Variants in AGAP3 observed in about 807,000 individuals in gnomAD.
AGAP3 encodes ArfGAP with GTPase domain, ankyrin repeat and PH domain 3.
Under a neutral mutation model 96.9 loss-of-function variants are expected in AGAP3, and 24 were observed. That is an observed-to-expected ratio of 0.25 (90% confidence interval 0.18 to 0.35). AGAP3 has a LOEUF of 0.35. Among genes scored for constraint, AGAP3 ranks in the 10% least tolerant of loss-of-function variants. The probability of loss-of-function intolerance (pLI) is 1.00; values close to 1 mark genes in which losing one functional copy is unlikely to be tolerated. For missense variants in AGAP3, 876 were observed against 1,254.2 expected (o/e 0.70, Z 4.55); for synonymous variants, 563 against 536.1 (o/e 1.05, Z -0.69).
chr7:151,116,728 C>A, intron 1 of AGAP3, 65 bp from the exon 2 acceptor site: 1 of 1,581,828 alleles, frequency 6.3e-7, no homozygotes, highest in South Asian at 1.1e-5. Flanking sequence ...GTGACACAGG[C>A]AGCAGTGGTT....
intron 1 of AGAP3, among the ~76,000 whole-genome samples, chr7:151,097,187 A>G (rs979990522): frequency 6.6e-6 from 1 of 152,170 alleles, no homozygotes; most frequent in Non-Finnish European, 1.5e-5. Flanking sequence ...AAATTGTATA[A>G]GTTCTTATGT....
chr7:151,139,221 A>G lies in AGAP3; in HGVS notation c.1667-758A>G, dbSNP rs1331932708. 6.6e-6 allele frequency among the ~76,000 whole-genome samples: 1 copy of G among 152,174 alleles called. No individual in the cohort carries two copies. Among genetic ancestry groups the G allele is most frequent in the African/African-American group, 2.4e-5 (1 of 41,438 alleles). ...CCAAAGGCCTTCCCTGAGCCCTCCC[A>G]GTAGGAGCCCTGAGGCCCAGCCTCT... On this transcript the variant is annotated intron_variant, in intron 12 of 17. Coordinates refer to ENST00000397238, the MANE Select transcript of AGAP3 (RefSeq NM_031946.7). The surrounding 1 kb of genome is among the most constrained non-coding windows in gnomAD (Gnocchi z 4.9).
At chr7:151,111,996 A>G (rs1250826043) in intron 1 of AGAP3, among the ~76,000 whole-genome samples, 1 of 152,172 alleles carries the variant, frequency 6.6e-6, no homozygotes, top group Non-Finnish European at 1.5e-5. Flanking sequence ...GTCTGTGTCG[A>G]GCACAGCTGT....
Position 151,141,507 on chromosome 7 carries a change from G to A in AGAP3, c.1805-391G>A, listed in dbSNP as rs1800811294. The A allele has an allele frequency of 4.3e-6, 1 of 230,420 alleles. No homozygotes were observed. Among genetic ancestry groups the A allele is most frequent in the Admixed American group, 5.2e-5 (1 of 19,378 alleles). The allele number at this position is 230,420 out of a possible 1,614,324, so 14.3% of individuals were successfully genotyped here. ...ACATGTACGGATGGTGCCCACACCC[G>A]CCTTCCCCCACCCTCTCCCAGTGTT... On this transcript the variant is annotated intron_variant, in intron 13 of 17. Coordinates refer to ENST00000397238, the MANE Select transcript of AGAP3 (RefSeq NM_031946.7). The surrounding 1 kb of genome is among the most constrained non-coding windows in gnomAD (Gnocchi z 4.2).
In AGAP3 at chr7:151,133,537, C is replaced by T. The variant is rs548496234; in HGVS notation, c.1327-863C>T. Among the ~76,000 whole-genome samples, 7 of 152,198 alleles carry T rather than the reference C, an allele frequency of 4.6e-5. No individual in the cohort carries two copies. The highest frequency in any genetic ancestry group is 2.1e-4 in the South Asian group (1 of 4,810). ...CCTGACTTGAAAGCAGGGTGAGTCCCGGGCCCAGGACAGGCTGGAGGAAGC... is the reference window on the plus strand; with the variant it reads ...CCTGACTTGAAAGCAGGGTGAGTCCTGGGCCCAGGACAGGCTGGAGGAAGC... On this transcript the variant is annotated intron_variant, in intron 10 of 17. Coordinates refer to ENST00000397238, the MANE Select transcript of AGAP3 (RefSeq NM_031946.7). The surrounding 1 kb of genome is among the most constrained non-coding windows in gnomAD (Gnocchi z 5.4).
chr7:151,115,445 A>G (rs1410478213), intron 1 of AGAP3: 10 of 1,015,456 alleles, frequency 9.8e-6, no homozygotes, highest in African/African-American at 1.8e-5. Flanking sequence ...CCGGCTCCCT[A>G]GGCGCCTTCC....
chr7:151,112,967 CAG>C (rs1799360264), intron 1 of AGAP3, among the ~76,000 whole-genome samples: 1 of 152,120 alleles, frequency 6.6e-6, no homozygotes. Context: ...CTCCTGACCT[CAG>C]GTGATCCGCC....
At chr7:151,125,676 C>A (rs996347405) in intron 9 of AGAP3, among the ~76,000 whole-genome samples, 4 of 152,206 alleles carry the variant, frequency 2.6e-5, no homozygotes, top group African/African-American at 7.2e-5. Flanking sequence ...CCGGTCCAGC[C>A]CCGCCAGATC....
At chr7:151,138,705 C>T (rs1029827566) in intron 12 of AGAP3, among the ~76,000 whole-genome samples, 1 of 152,194 alleles carries the variant, frequency 6.6e-6, no homozygotes, top group Non-Finnish European at 1.5e-5. Context: ...ATCAGCCTCT[C>T]GGCAGGGGGA....
intron 11 of AGAP3, chr7:151,136,512 T>G (rs549678848): frequency 6.6e-6 from 1 of 152,396 alleles, no homozygotes; most frequent in South Asian, 2.1e-4. Flanking sequence ...TCATTATCTT[T>G]GTTACTGTAA....
intron 1 of AGAP3, among the ~76,000 whole-genome samples, chr7:151,116,081 C>G (rs989109823): frequency 1.3e-5 from 2 of 152,186 alleles, no homozygotes; most frequent in African/African-American, 4.8e-5. Flanking sequence ...AGAGCTAGCC[C>G]GAGCACCCAT....
At chr7:151,130,906 C>G (rs1272303334) in intron 10 of AGAP3, among the ~76,000 whole-genome samples, 1 of 152,220 alleles carries the variant, frequency 6.6e-6, no homozygotes, top group Admixed American at 6.5e-5. Context: ...TGAGCATGCT[C>G]TTCAGTTGCC....
At chr7:151,123,012 C>G in intron 8 of AGAP3, 1 of 1,393,162 alleles carries the variant, frequency 7.2e-7, no homozygotes, top group East Asian at 2.8e-5. Context: ...GCTGCAGGCT[C>G]GCTGCATGGA....
At chr7:151,116,609 C>A in intron 1 of AGAP3, 184 bp from the exon 2 acceptor site, 1 of 653,024 alleles carries the variant, frequency 1.5e-6, no homozygotes, top group Non-Finnish European at 2.7e-6. Context: ...TACTCTGCTT[C>A]ACTCAAGAAG....
Position 151,123,700 on chromosome 7 carries a change from G to GAGGAGGGAGGC in AGAP3, c.1129-82_1129-72dup. On this transcript the variant is annotated intron_variant, in intron 8 of 17. Coordinates refer to ENST00000397238, the MANE Select transcript of AGAP3 (RefSeq NM_031946.7). ...CCGACCCACTGCTAGGGCTGCCCAGGAGGAGGGAGGCAGGAGGGAGGCCGG... is the reference window on the plus strand; with the variant it reads ...CCGACCCACTGCTAGGGCTGCCCAGGAGGAGGGAGGCAGGAGGGAGGCAGGAGGGAGGCCGG... The GAGGAGGGAGGC allele has an allele frequency of 6.3e-6, 10 of 1,586,126 alleles. No homozygotes were observed. The South Asian group carries it at 7.8e-5, about 12-fold the overall frequency.
chr7:151,114,959 C>G lies in AGAP3; in HGVS notation c.332-1834C>G, dbSNP rs1045985855. On this transcript the variant is annotated intron_variant, in intron 1 of 17. Transcript: ENST00000397238. This position sits in a 1 kb window ranked among gnomAD's most constrained non-coding sequence, Gnocchi z 4.4. ...CGCGGCCGCGGAGCGTGTGCTCGGG[C>G]GGCCCGGAGCCGCCGCCCACCGGCG... The G allele has an allele frequency of 9.2e-5, 90 of 982,490 alleles. No individual in the cohort carries two copies. The highest frequency in any genetic ancestry group is 1.0e-4 in the Non-Finnish European group (84 of 829,934). 60.9% of individuals were successfully genotyped at this position (982,490 alleles called of 1,614,324 possible). A position where few individuals can be genotyped will look rare whatever the true frequency, so the allele number is the denominator to read the frequency against.
In AGAP3 at chr7:151,142,660, G is replaced by T; in HGVS notation, c.2273+26G>T. ...GTGAGCAGATGGTGCCCTGGAGCTG[G>T]CCAGGAATGGGGGAAGCGTTGGGGG... On this transcript the variant is annotated intron_variant, in intron 16 of 17. Transcript: ENST00000397238. This position sits in a 1 kb window ranked among gnomAD's most constrained non-coding sequence, Gnocchi z 7.5. The T allele has an allele frequency of 6.2e-7, 1 of 1,604,668 alleles. No homozygotes were observed.
intron 1 of AGAP3, among the ~76,000 whole-genome samples, chr7:151,102,230 C>A (rs114980219): frequency 2.6e-5 from 4 of 152,328 alleles, no homozygotes; most frequent in African/African-American, 7.2e-5. Flanking sequence ...ACGAGGACAG[C>A]GGCCCAGAGC....
chr7:151,138,145 G>A lies in AGAP3; in HGVS notation c.1498G>A (p.Ala500Thr). Residue 500 changes from alanine (A) to threonine (T), a missense_variant and splice_region_variant, in exon 12 of 18, where the codon GCC (alanine) becomes ACC (threonine). Ala to Thr is a moderately conservative substitution (Grantham distance 58). Transcript: ENST00000397238. The part of the protein sequence containing the change: ...SNTQLGGGTG[A>T]PHSASSASLH... ...AGTCTGACCCTTCCCGCCCCCAGGT[G>A]CCCCCCACTCGGCCAGCAGCGCATC... 6.3e-7 allele frequency: 1 copy of A among 1,593,090 alleles called. No individual in the cohort carries two copies. The highest frequency in any genetic ancestry group is 8.5e-7 in the Non-Finnish European group (1 of 1,169,746).
Sources: gnomAD v4.1 joint callset for allele counts (sites outside exome capture counted in the v4.1 genomes callset) on GRCh38, gnomAD v4.1.1 for gene constraint, Gnocchi (gnomAD v3.1) non-coding constraint, MANE v1.5 for transcripts, NCBI Gene and HGNC (gene_info 2026-07-23, HGNC 2026-07-21) for gene names.